ENOX2: variants seen among roughly 807,000 people sequenced by gnomAD.
ENOX2 encodes ecto-NOX disulfide-thiol exchanger 2.
A neutral mutation model predicts 45.0 loss-of-function variants in ENOX2; 36 were observed. That is an observed-to-expected ratio of 0.80 (90% CI 0.61 to 1.06). The LOEUF is 1.06. Ranked by LOEUF, ENOX2 falls within the 50% of genes least tolerant of loss-of-function variation. The pLI is 0.00. For missense variants in ENOX2, 423 were observed against 462.5 expected (o/e 0.91, Z 0.78); for synonymous variants, 174 against 152.3 (o/e 1.14, Z -1.05).
At chrX:130,870,848 T>C (rs942602711) in intron 2 of ENOX2, among the ~76,000 whole-genome samples, 1 of 101,361 alleles carries the variant, frequency 9.9e-6, no homozygotes, top group Non-Finnish European at 2.0e-5. Context: ...TTGCCAGGTA[T>C]AGATCTTTGA....
chrX:130,850,141 T>C (rs748918037), intron 2 of ENOX2, among the ~76,000 whole-genome samples: 44 of 111,955 alleles, frequency 3.9e-4, no homozygotes, highest in Non-Finnish European at 8.3e-4. Flanking sequence ...TCTAGAATCA[T>C]AGAAAGCACA....
chrX:130,633,465 A>G (rs887245147), intron 12 of ENOX2, among the ~76,000 whole-genome samples: 8 of 112,508 alleles, frequency 7.1e-5, no homozygotes, highest in African/African-American at 2.6e-4. Context: ...CAAGAAAAAA[A>G]CATATTTTGA....
At chrX:130,676,996 TC>T in intron 6 of ENOX2, among the ~76,000 whole-genome samples, 1 of 112,322 alleles carries the variant, frequency 8.9e-6, no homozygotes, top group South Asian at 3.8e-4. Context: ...TGCCTCCTCC[TC>T]TCATGTCTAC....
chrX:130,897,723 G>A (rs1003647606), intron 2 of ENOX2, among the ~76,000 whole-genome samples: 1 of 112,103 alleles, frequency 8.9e-6, no homozygotes, highest in Non-Finnish European at 1.9e-5. Context: ...AATACTAGAG[G>A]AGCAAGCAGG....
At chrX:130,736,316 G>A (rs2038859223) in intron 3 of ENOX2, among the ~76,000 whole-genome samples, 2 of 109,163 alleles carry the variant, frequency 1.8e-5, no homozygotes, top group South Asian at 8.2e-4. Flanking sequence ...CCAAGATTGT[G>A]CCACCACACT....
intron 2 of ENOX2, among the ~76,000 whole-genome samples, chrX:130,869,147 C>T (rs1426290877): frequency 9.0e-6 from 1 of 110,794 alleles, no homozygotes; most frequent in Non-Finnish European, 1.9e-5. Context: ...TTTAGTGCCA[C>T]TCTCCTAATT....
At chrX:130,717,088 C>G (rs961962371) in intron 3 of ENOX2, among the ~76,000 whole-genome samples, 1 of 112,181 alleles carries the variant, frequency 8.9e-6, no homozygotes, top group Non-Finnish European at 1.9e-5. Context: ...GGTGAATTCC[C>G]TGTAAATAAT....
chrX:130,756,105 T>G (rs938717261), intron 3 of ENOX2, among the ~76,000 whole-genome samples: 11 of 112,279 alleles, frequency 9.8e-5, no homozygotes, highest in African/African-American at 3.2e-4. Context: ...TGCAAACCTC[T>G]GCTTTCTCAC....
chrX:130,669,447 G>A (rs1181412472), intron 7 of ENOX2, among the ~76,000 whole-genome samples: 1 of 112,022 alleles, frequency 8.9e-6, no homozygotes, highest in Non-Finnish European at 1.9e-5. Context: ...TTATGTTTTA[G>A]TTGGTGGTGG....
chrX:130,662,625 G>T (rs2036722481), intron 9 of ENOX2, among the ~76,000 whole-genome samples: 1 of 111,427 alleles, frequency 9.0e-6, no homozygotes, highest in Non-Finnish European at 1.9e-5. Context: ...TTTCTCACAG[G>T]ATACCTCCTT....
chrX:130,822,067 CAA>C (rs759582186), intron 2 of ENOX2, among the ~76,000 whole-genome samples: 195 of 19,090 alleles, frequency 0.01, 1 homozygote, highest in African/African-American at 0.03. Flanking sequence ...GACTCCGTCT[CAA>C]AAAAAAAAAA....
At chrX:130,884,924 T>A (rs1389716231) in intron 2 of ENOX2, among the ~76,000 whole-genome samples, 5 of 111,934 alleles carry the variant, frequency 4.5e-5, no homozygotes. Flanking sequence ...TCTTATAAGT[T>A]CATCCAGTAC....
At chrX:130,826,319 A>G (rs2077720172) in intron 2 of ENOX2, among the ~76,000 whole-genome samples, 1 of 111,762 alleles carries the variant, frequency 8.9e-6, no homozygotes, top group Non-Finnish European at 1.9e-5. Context: ...TTTTGTAAAT[A>G]AATAAATAAA....
Position 130,790,605 on chromosome X carries a change from C to A in ENOX2, c.-182-6915G>T, listed in dbSNP as rs1457115055. The stretch of plus-strand genomic sequence containing the variant: ...TCACATTTTGAGTCAAAAGGGCTGG[C>A]ACTCCAGCAAAATGGAACTACAGCA... On this transcript the variant is annotated intron_variant, in intron 2 of 14. Transcript: ENST00000394363. 5.3e-5 allele frequency among the ~76,000 whole-genome samples: 6 copies of A among 112,453 alleles called. No homozygotes were observed. In the East Asian group the frequency reaches 1.4e-3, roughly 26 times the overall value.
At chrX:130,695,508 A>G (rs902775009) in intron 4 of ENOX2, among the ~76,000 whole-genome samples, 3 of 111,177 alleles carry the variant, frequency 2.7e-5, no homozygotes, top group African/African-American at 6.6e-5. Flanking sequence ...CCCTGGCCCA[A>G]TAAAAGCATT....
rs139032342 is a variant in ENOX2 at position 130,718,207 on chromosome X, C to T, written c.-38-14953G>A. On this transcript the variant is annotated intron_variant, in intron 3 of 14. Transcript: ENST00000394363. Reference sequence around the variant, plus strand: ...TTAGCAGTGAATCCGTATGTAAAGGCAGTAATTATTTTGTAACATGGTGAC... The same window carrying T: ...TTAGCAGTGAATCCGTATGTAAAGGTAGTAATTATTTTGTAACATGGTGAC... Among the ~76,000 whole-genome samples the T allele has an allele frequency of 6.2e-5, 7 of 112,080 alleles. No homozygotes were observed. In the East Asian group the frequency reaches 2.0e-3, roughly 31 times the overall value.
At chrX:130,743,761 T>C (rs2148320539) in intron 3 of ENOX2, among the ~76,000 whole-genome samples, 1 of 111,182 alleles carries the variant, frequency 9.0e-6, no homozygotes, top group African/African-American at 3.3e-5. Context: ...ATTACAGGTG[T>C]GAGCCACCAT....
chrX:130,861,944 TGTCA>T (rs2078416097), intron 2 of ENOX2, among the ~76,000 whole-genome samples: 1 of 111,518 alleles, frequency 9.0e-6, no homozygotes, highest in Non-Finnish European at 1.9e-5. Context: ...AGCTTTTTTA[TGTCA>T]ATCATATACC....
At chrX:130,884,723 TGAGAGAGAGAGA>T (rs369147801) in intron 2 of ENOX2, among the ~76,000 whole-genome samples, 4 of 106,265 alleles carry the variant, frequency 3.8e-5, no homozygotes, top group Non-Finnish European at 7.8e-5. Context: ...TGCTGATCTA[TGAGAGAGAGAGA>T]GAGAGAGAGA....
Sources: allele counts gnomAD v4.1 joint callset (sites outside exome capture counted in the v4.1 genomes callset), GRCh38; gene constraint gnomAD v4.1.1; transcripts MANE v1.5; gene names NCBI Gene and HGNC (gene_info 2026-07-23, HGNC 2026-07-21).